The following NDUFAF6 variants were observed in gnomAD, a reference collection of about 807,000 sequenced individuals.
NDUFAF6 encodes NADH dehydrogenase (ubiquinone) complex I, assembly factor 6.
A neutral mutation model predicts 40.8 loss-of-function variants in NDUFAF6; 45 were observed. That is an observed-to-expected ratio of 1.10 (90% CI 0.87 to 1.42). The LOEUF (loss-of-function observed/expected upper bound fraction) is 1.42, where lower values mean the gene tolerates loss of function less well. Among genes scored for constraint, NDUFAF6 ranks in the 40% most tolerant of loss-of-function variants. The pLI is 0.00. For missense variants in NDUFAF6, 435 were observed against 418.5 expected, an observed-to-expected ratio of 1.04 and a Z score of -0.34; for synonymous variants, 185 against 155.9, an observed-to-expected ratio of 1.19 and a Z score of -1.39.
At chr8:94,899,150 C>T (rs773076288) in intron 1 of NDUFAF6, among the ~76,000 whole-genome samples, 10 of 152,206 alleles carry the variant, frequency 6.6e-5, no homozygotes, top group Non-Finnish European at 1.3e-4. Flanking sequence ...CCGCCCGCCT[C>T]GGCCTCCCAA....
intron 2 of NDUFAF6, among the ~76,000 whole-genome samples, chr8:94,992,925 G>A (rs984052915): frequency 6.6e-6 from 1 of 152,204 alleles, no homozygotes; most frequent in Admixed American, 6.5e-5. Flanking sequence ...GTGGCAGATT[G>A]TTTGCAAAGG....
chr8:95,082,901 C>CT (rs1808922258), intron 2 of NDUFAF6, among the ~76,000 whole-genome samples: 1 of 152,114 alleles, frequency 6.6e-6, no homozygotes, highest in Non-Finnish European at 1.5e-5. Flanking sequence ...ACCTCGTGAT[C>CT]CCCCGCCTCG....
At chr8:95,048,409 A>C in intron 6 of NDUFAF6, 48 bp from the exon 7 acceptor site, 1 of 1,328,038 alleles carries the variant, frequency 7.5e-7, no homozygotes. Context: ...GAACTGTTGG[A>C]AGGAAGTGCT....
intron 9 of NDUFAF6, chr8:95,066,728 C>T (rs927902417): frequency 2.0e-5 from 3 of 152,282 alleles, no homozygotes; most frequent in Admixed American, 6.5e-5. Context: ...ACAAGGAAGA[C>T]GATAAATTCA....
downstream of NDUFAF6, among the ~76,000 whole-genome samples, chr8:95,117,072 G>C (rs978673022): frequency 3.3e-5 from 5 of 152,292 alleles, no homozygotes; most frequent in Admixed American, 3.3e-4. Flanking sequence ...CATACTAATG[G>C]GACTGGTGGC....
intron 1 of NDUFAF6, chr8:94,929,852 C>G (rs1820221882): frequency 6.6e-6 from 1 of 152,568 alleles, no homozygotes; most frequent in African/African-American, 2.4e-5. Flanking sequence ...ACTGCATGCA[C>G]TCTTCACTAA....
chr8:94,954,939 G>A (rs554147184), upstream of NDUFAF6, among the ~76,000 whole-genome samples: 54 of 152,282 alleles, frequency 3.5e-4, no homozygotes, highest in Non-Finnish European at 8.8e-5. Flanking sequence ...TCACAGAATG[G>A]GCCTCAGGTA....
At chr8:94,996,788 A>G (rs181826231) in intron 2 of NDUFAF6, among the ~76,000 whole-genome samples, 2 of 152,318 alleles carry the variant, frequency 1.3e-5, no homozygotes, top group East Asian at 3.9e-4. Context: ...CTCATCCAAC[A>G]TGGCTGCTGT....
chr8:94,946,760 C>G (rs1356564860), intron 2 of NDUFAF6, among the ~76,000 whole-genome samples: 1 of 142,224 alleles, frequency 7.0e-6, no homozygotes, highest in African/African-American at 2.6e-5. Context: ...CTGCTACTTG[C>G]AACCTATGTG....
At chr8:95,006,233 C>T (rs1351118018) in intron 2 of NDUFAF6, among the ~76,000 whole-genome samples, 2 of 151,778 alleles carry the variant, frequency 1.3e-5, no homozygotes, top group African/African-American at 2.4e-5. Flanking sequence ...TGCTGGACGC[C>T]TGTAATCCCA....
At chr8:94,968,991 TGA>T (rs982854352) in intron 1 of NDUFAF6, among the ~76,000 whole-genome samples, 57 of 152,272 alleles carry the variant, frequency 3.7e-4, no homozygotes, top group African/African-American at 1.3e-3. Flanking sequence ...AGGATGAACC[TGA>T]GAGAGCAAAT....
upstream of NDUFAF6, among the ~76,000 whole-genome samples, chr8:95,098,116 A>G (rs1809526620): frequency 6.6e-6 from 1 of 152,140 alleles, no homozygotes; most frequent in African/African-American, 2.4e-5. Flanking sequence ...TGCTTTCCAA[A>G]AGTGAATTTT....
intron 2 of NDUFAF6, among the ~76,000 whole-genome samples, chr8:95,014,317 A>G (rs573594938): frequency 1.3e-5 from 2 of 152,340 alleles, no homozygotes; most frequent in African/African-American, 2.4e-5. Context: ...TGAGTCACAT[A>G]TAATAGTAGA....
chr8:94,942,729 T>C lies in NDUFAF6; in HGVS notation c.-935-2754T>C, dbSNP rs539522379. 5.9e-5 allele frequency among the ~76,000 whole-genome samples: 9 copies of C among 152,320 alleles called. No homozygotes were observed. In the East Asian group the frequency reaches 1.5e-3, roughly 26 times the overall value. On this transcript the variant is annotated intron_variant, in intron 1 of 14. Coordinates refer to the NDUFAF6 transcript ENST00000396113. Reference sequence around the variant, plus strand: ...AGTATTTGGTGTTCTCCAGGCTACCTGGGTGGACTCCTGCAATGACTTTAC... The same window carrying C: ...AGTATTTGGTGTTCTCCAGGCTACCCGGGTGGACTCCTGCAATGACTTTAC...
intron 1 of NDUFAF6, among the ~76,000 whole-genome samples, chr8:94,914,511 C>T (rs931916526): frequency 5.3e-5 from 8 of 152,196 alleles, no homozygotes; most frequent in Non-Finnish European, 1.0e-4. Context: ...TGGCACACCC[C>T]AGAATAGTCA....
In NDUFAF6 at chr8:94,930,412, T is replaced by C. The variant is rs1820275350; in HGVS notation, c.-935-15071T>C. On this transcript the variant is annotated intron_variant, in intron 1 of 14. Transcript: ENST00000396113. ...TTGTAAAGAGACAACATTTTCACTG[T>C]ACATATACACACATCCATACATGTA... is the stretch of plus-strand genomic sequence containing the variant. 1.9e-6 allele frequency: 3 copies of C among 1,591,826 alleles called. No individual in the cohort carries two copies. The Admixed American group carries it at 5.1e-5, about 27-fold the overall frequency.
chr8:94,907,748 C>T (rs929942885), intron 1 of NDUFAF6, among the ~76,000 whole-genome samples: 3 of 152,170 alleles, frequency 2.0e-5, no homozygotes, highest in Non-Finnish European at 4.4e-5. Flanking sequence ...TCACATCAGC[C>T]TCATACTTTT....
intron 2 of NDUFAF6, among the ~76,000 whole-genome samples, chr8:95,008,653 C>A (rs1294483231): frequency 6.6e-6 from 1 of 152,048 alleles, no homozygotes; most frequent in Admixed American, 6.6e-5. Flanking sequence ...ATTACAGGCA[C>A]GTGCCACTAC....
intron 6 of NDUFAF6, among the ~76,000 whole-genome samples, chr8:95,047,822 C>G (rs1830975846): frequency 6.6e-6 from 1 of 151,234 alleles, no homozygotes; most frequent in Admixed American, 6.6e-5. Flanking sequence ...ACTTTGTTTT[C>G]TATATGAGAT....
Sources: allele counts gnomAD v4.1 joint callset (sites outside exome capture counted in the v4.1 genomes callset), GRCh38; gene constraint gnomAD v4.1.1; transcripts MANE v1.5; gene names NCBI Gene and HGNC (gene_info 2026-07-23, HGNC 2026-07-21).